Variants in LRTM3 observed in about 807,000 individuals in gnomAD.
The protein encoded by LRTM3 is leucine rich repeat transmembrane protein 3.
chr13:102,731,276 G>A, the LRTM3 span: 1 of 1,551,314 alleles, frequency 6.4e-7, no homozygotes, highest in Non-Finnish European at 8.7e-7. Flanking sequence ...TATGGTATCA[G>A]TCCCTTCTAG....
chr13:102,745,693 A>G, the LRTM3 span: 1 of 1,551,094 alleles, frequency 6.4e-7, no homozygotes, highest in Non-Finnish European at 8.7e-7. Context: ...TCTTTTCAGT[A>G]CCACCAGCCT....
chr13:102,747,172 T>C, the LRTM3 span: 3 of 1,550,852 alleles, frequency 1.9e-6, no homozygotes, highest in South Asian at 2.4e-5. Context: ...TTTCTTCCCT[T>C]TCAATTTGGG....
At chr13:102,729,411 G>A in the LRTM3 span, 14 of 1,354,654 alleles carry the variant, frequency 1.0e-5, no homozygotes, top group African/African-American at 2.9e-5. Flanking sequence ...TCACAATAGC[G>A]ACCAGCTGTC....
chr13:102,741,884 C>T, the LRTM3 span: 5 of 1,550,188 alleles, frequency 3.2e-6, no homozygotes, highest in Non-Finnish European at 4.4e-6. Flanking sequence ...TGAACTAATC[C>T]TTAACGGTCC....
the LRTM3 span, chr13:102,739,215 C>CT: frequency 1.3e-6 from 2 of 1,550,180 alleles, no homozygotes; most frequent in Admixed American, 3.9e-5. Flanking sequence ...CGTTGTGGTT[C>CT]TTTTCCATGC....
chr13:102,741,036 T>C, the LRTM3 span: 6 of 1,550,232 alleles, frequency 3.9e-6, no homozygotes, highest in Non-Finnish European at 5.2e-6. Flanking sequence ...CTTAGAACTT[T>C]TGAACTCATG....
chr13:102,748,559 A>G, the LRTM3 span: 1 of 1,550,698 alleles, frequency 6.4e-7, no homozygotes, highest in Admixed American at 2.0e-5. Context: ...CTGTATTTTC[A>G]TTCTATTGTT....
the LRTM3 span, chr13:102,746,695 C>G: frequency 6.4e-7 from 1 of 1,551,118 alleles, no homozygotes. Context: ...AATTGAAAGT[C>G]TCTGGCGAAG....
the LRTM3 span, chr13:102,737,663 A>AT: frequency 6.5e-7 from 1 of 1,550,114 alleles, no homozygotes; most frequent in Non-Finnish European, 8.7e-7. Flanking sequence ...CTCAGCTGAT[A>AT]TTTTTACTTC....
the LRTM3 span, chr13:102,758,685 C>G: frequency 6.6e-7 from 1 of 1,524,284 alleles, no homozygotes; most frequent in Non-Finnish European, 8.8e-7. Context: ...AAGGGGAAAT[C>G]AACCATTTAT....
At chr13:102,757,230 C>T in the LRTM3 span, among the ~76,000 whole-genome samples, 1 of 152,180 alleles carries the variant, frequency 6.6e-6, no homozygotes, top group African/African-American at 2.4e-5. Context: ...TACAGCTTCC[C>T]AAGACACTCA....
the LRTM3 span, chr13:102,736,044 T>A: frequency 6.5e-7 from 1 of 1,548,312 alleles, no homozygotes; most frequent in Admixed American, 2.0e-5. Context: ...ATTTTTACTC[T>A]GTCCTTTGCC....
the LRTM3 span, chr13:102,742,982 A>G: frequency 1.9e-6 from 3 of 1,538,680 alleles, no homozygotes; most frequent in Non-Finnish European, 2.6e-6. Context: ...GTTTTTTTCT[A>G]TTTTTACATT....
At chr13:102,746,125 A>G in the LRTM3 span, 1 of 1,551,048 alleles carries the variant, frequency 6.4e-7, no homozygotes, top group Non-Finnish European at 8.7e-7. Flanking sequence ...TAGTCTCTAA[A>G]GTAGTTTGTT....
the LRTM3 span, among the ~76,000 whole-genome samples, chr13:102,752,569 A>T: frequency 6.6e-6 from 1 of 152,178 alleles, no homozygotes; most frequent in Admixed American, 6.6e-5. Context: ...TTTAGGCTAC[A>T]CTAATGATTT....
chr13:102,741,174 T>C, the LRTM3 span: 2 of 1,549,216 alleles, frequency 1.3e-6, no homozygotes, highest in East Asian at 2.4e-5. Context: ...ATCCTCAATT[T>C]TTTTGAAAAG....
the LRTM3 span, chr13:102,731,426 GC>G: frequency 1.3e-6 from 2 of 1,551,428 alleles, no homozygotes; most frequent in Non-Finnish European, 1.7e-6. Flanking sequence ...TATTTCAAGT[GC>G]TTTTGACTCT....
chr13:102,747,583 A>G, the LRTM3 span: 24 of 1,551,052 alleles, frequency 1.5e-5, no homozygotes, highest in African/African-American at 2.9e-4. Context: ...CTTCTGCAAT[A>G]TGACTATCCG....
chr13:102,735,706 T>C, the LRTM3 span: 18 of 1,551,050 alleles, frequency 1.2e-5, no homozygotes, highest in African/African-American at 2.7e-5. Context: ...AGTTGCTTAA[T>C]GTGTAACCAT....
Sources: gnomAD v4.1 joint callset for allele counts (sites outside exome capture counted in the v4.1 genomes callset) on GRCh38, gnomAD v4.1.1 for gene constraint, MANE v1.5 for transcripts, NCBI Gene and HGNC (gene_info 2026-07-23, HGNC 2026-07-21) for gene names.